The following PSD3 variants were observed in gnomAD, a reference collection of about 807,000 sequenced individuals.
PSD3 encodes pleckstrin and Sec7 domain containing 3.
In PSD3, 49 loss-of-function variants were observed where a neutral mutation model predicts 105.5. The observed-to-expected ratio is 0.46, with a 90% confidence interval of 0.37 to 0.59. The LOEUF (loss-of-function observed/expected upper bound fraction) is 0.59. Among genes scored for constraint, PSD3 ranks in the 20% least tolerant of loss-of-function variants. The pLI is 0.00. For missense variants in PSD3, 1,561 were observed against 1,263.8 expected, an observed-to-expected ratio of 1.24 and a Z score of -3.57; for synonymous variants, 557 against 457.8, an observed-to-expected ratio of 1.22 and a Z score of -2.77.
chr8:19,019,893 T>C (rs941182774), intron 1 of PSD3, among the ~76,000 whole-genome samples: 19 of 151,908 alleles, frequency 1.3e-4, no homozygotes, highest in Admixed American at 9.2e-4. Flanking sequence ...CGGAAGAGAA[T>C]GGAGAAAAGA....
intron 1 of PSD3, among the ~76,000 whole-genome samples, chr8:18,959,837 G>T (rs1334859635): frequency 1.3e-5 from 2 of 152,162 alleles, no homozygotes; most frequent in Non-Finnish European, 2.9e-5. Context: ...GAACAGAGAG[G>T]CCCTGCAGTG....
At chr8:18,846,437 C>T (rs889486061) in intron 4 of PSD3, among the ~76,000 whole-genome samples, 2 of 152,116 alleles carry the variant, frequency 1.3e-5, no homozygotes, top group Non-Finnish European at 2.9e-5. Flanking sequence ...GTTTCTACCA[C>T]GCCCTGCAGG....
chr8:18,744,188 C>T (rs995636957), intron 9 of PSD3, among the ~76,000 whole-genome samples: 1 of 152,104 alleles, frequency 6.6e-6, no homozygotes, highest in African/African-American at 2.4e-5. Context: ...TTTTTATGTG[C>T]CAAGTATCAT....
chr8:18,821,765 C>A (rs1345480623), intron 4 of PSD3, among the ~76,000 whole-genome samples: 2 of 126,462 alleles, frequency 1.6e-5, no homozygotes, highest in South Asian at 2.7e-4. Flanking sequence ...ACTTCTATAC[C>A]CATGGCTTCA....
At chr8:18,829,013 A>C (rs185083630) in intron 4 of PSD3, among the ~76,000 whole-genome samples, 1 of 152,310 alleles carries the variant, frequency 6.6e-6, no homozygotes, top group East Asian at 1.9e-4. Flanking sequence ...CAGAGATTGC[A>C]GTGAACAGAG....
intron 9 of PSD3, among the ~76,000 whole-genome samples, chr8:18,758,834 C>T (rs765240205): frequency 1.4e-4 from 22 of 151,984 alleles, no homozygotes; most frequent in Admixed American, 2.0e-4. Context: ...AGGTTAAAAA[C>T]GGGATGGAGG....
At chr8:18,537,094 T>C (rs1347864652) in intron 15 of PSD3, among the ~76,000 whole-genome samples, 2 of 152,178 alleles carry the variant, frequency 1.3e-5, no homozygotes, top group African/African-American at 4.8e-5. Flanking sequence ...CGTTTAACAA[T>C]GGGAAAAAGC....
chr8:18,549,663 G>A (rs184237268), intron 15 of PSD3, among the ~76,000 whole-genome samples: 9 of 152,342 alleles, frequency 5.9e-5, no homozygotes, highest in Admixed American at 5.9e-4. Flanking sequence ...TCTTGCTGAT[G>A]TCACCCTATT....
At chr8:18,646,299 C>T (rs1036039437) in intron 10 of PSD3, among the ~76,000 whole-genome samples, 6 of 152,040 alleles carry the variant, frequency 3.9e-5, no homozygotes, top group Non-Finnish European at 5.9e-5. Context: ...TCTACATCTA[C>T]TATTAAGAAA....
chr8:19,014,766 C>T (rs1827122241), upstream of PSD3, among the ~76,000 whole-genome samples: 1 of 152,214 alleles, frequency 6.6e-6, no homozygotes, highest in African/African-American at 2.4e-5. This position sits in a 1 kb window ranked among gnomAD's most constrained non-coding sequence, Gnocchi z 4.9. Flanking sequence ...CGATCTCGCC[C>T]ACCATGTCAG....
chr8:18,940,973 T>C (rs1822500798), intron 1 of PSD3, among the ~76,000 whole-genome samples: 1 of 152,208 alleles, frequency 6.6e-6, no homozygotes, highest in South Asian at 2.1e-4. Context: ...TTAGTTATTC[T>C]TGAAGCTGTG....
At chr8:18,894,988 T>C (rs921138691) in intron 2 of PSD3, among the ~76,000 whole-genome samples, 4 of 152,198 alleles carry the variant, frequency 2.6e-5, no homozygotes, top group African/African-American at 9.6e-5. Flanking sequence ...GGTCAAGTCA[T>C]TGCCAGTGAC....
At chr8:18,924,502 C>G (rs1821238584) in intron 2 of PSD3, 1 of 152,172 alleles carries the variant, frequency 6.6e-6, no homozygotes, top group African/African-American at 2.4e-5. Flanking sequence ...GTGGTGAAAA[C>G]AAGAAAATAA....
rs943438781 is a variant in PSD3, at chr8:18,625,641, A to G, written c.2410+6972T>C. Among the ~76,000 whole-genome samples the G allele has an allele frequency of 2.0e-5, 3 of 152,308 alleles. No individual in the cohort carries two copies. The South Asian group carries it at 6.2e-4, about 32-fold the overall frequency. On this transcript the variant is annotated intron_variant, in intron 11 of 15. Transcript: ENST00000327040. ...TGCAGAATTTAAACATTTCATAAGC[A>G]TATTTTCTCATCGGAATTGCTTTTA...
chr8:18,765,413 C>T (rs200887138), intron 9 of PSD3, 36 bp downstream of exon 9: 498 of 1,512,962 alleles, frequency 3.3e-4, no homozygotes, highest in Non-Finnish European at 4.0e-4. Flanking sequence ...AACAGAAATA[C>T]AAGCATACAC....
intron 1 of PSD3, chr8:18,989,263 T>C (rs1455111196): frequency 6.6e-6 from 1 of 152,172 alleles, no homozygotes; most frequent in Non-Finnish European, 1.5e-5. Context: ...AGTGGTTTCA[T>C]TTGCCTTATT....
chr8:18,687,259 T>C (rs1238770685), intron 9 of PSD3, among the ~76,000 whole-genome samples: 1 of 151,808 alleles, frequency 6.6e-6, no homozygotes, highest in Non-Finnish European at 1.5e-5. Context: ...AGTCCAAGAG[T>C]TCAAGACCAA....
intron 2 of PSD3, among the ~76,000 whole-genome samples, chr8:18,876,626 C>T (rs1817750497): frequency 6.6e-6 from 1 of 152,112 alleles, no homozygotes; most frequent in African/African-American, 2.4e-5. Flanking sequence ...TCTTGAACTC[C>T]TGGGCTCAAA....
chr8:19,037,104 C>G (rs1412472644), intron 1 of PSD3, among the ~76,000 whole-genome samples: 1 of 152,186 alleles, frequency 6.6e-6, no homozygotes, highest in Non-Finnish European at 1.5e-5. Context: ...TGCCAGGTAA[C>G]GTATTTGTGG....
Sources: allele counts gnomAD v4.1 joint callset (sites outside exome capture counted in the v4.1 genomes callset), GRCh38; gene constraint gnomAD v4.1.1; non-coding constraint Gnocchi (gnomAD v3.1); transcripts MANE v1.5; gene names NCBI Gene and HGNC (gene_info 2026-07-23, HGNC 2026-07-21).